COPG2: variants seen among roughly 807,000 people sequenced by gnomAD.
The protein encoded by COPG2 is coat protein complex I subunit gamma 2.
A neutral mutation model predicts 46.3 loss-of-function variants in COPG2; 37 were observed. The ratio of observed to expected loss-of-function variants is 0.80; its 90% CI spans 0.61 to 1.05. The LOEUF (loss-of-function observed/expected upper bound fraction) is 1.05. Among genes scored for constraint, COPG2 ranks in the 50% least tolerant of loss-of-function variants. The probability of loss-of-function intolerance (pLI) is 0.00; values close to 1 mark genes in which losing one functional copy is unlikely to be tolerated. For missense variants in COPG2, 427 were observed against 387.8 expected (o/e 1.10, Z -0.85); for synonymous variants, 159 against 129.7 (o/e 1.23, Z -1.53).
intron 20 of COPG2, among the ~76,000 whole-genome samples, chr7:130,521,502 A>G (rs1415943240): frequency 6.6e-6 from 1 of 152,208 alleles, no homozygotes; most frequent in Non-Finnish European, 1.5e-5. Flanking sequence ...CACACAGTGT[A>G]TGGGTGGTTA....
intron 20 of COPG2, among the ~76,000 whole-genome samples, chr7:130,532,965 G>A (rs1253615518): frequency 1.3e-5 from 2 of 152,124 alleles, no homozygotes; most frequent in African/African-American, 4.8e-5. Flanking sequence ...ACCATGCTAT[G>A]CAGTAGAGGA....
At chr7:130,507,220 CTAT>C (rs1799510391) in intron 23 of COPG2, 51 bp downstream of exon 23, 1 of 777,862 alleles carries the variant, frequency 1.3e-6, no homozygotes, top group East Asian at 2.4e-5. Context: ...CATCTATATC[CTAT>C]TATTAAGCTT....
At chr7:130,612,094 A>G (rs1794859570) in intron 8 of COPG2, 58 bp downstream of exon 8, 1 of 1,232,008 alleles carries the variant, frequency 8.1e-7, no homozygotes, top group Non-Finnish European at 1.2e-6. Flanking sequence ...CTGCCCCTAC[A>G]ATACAGGTTT....
intron 21 of COPG2, chr7:130,508,295 T>G (rs1319150719): frequency 3.0e-6 from 1 of 329,888 alleles, no homozygotes; most frequent in African/African-American, 2.1e-5. Flanking sequence ...ATGTCATTAT[T>G]TTCATCTCTT....
intron 20 of COPG2, chr7:130,509,022 C>T (rs1247893966): frequency 2.2e-6 from 1 of 462,880 alleles, no homozygotes; most frequent in Non-Finnish European, 4.2e-6. Flanking sequence ...TGCTGTAGGA[C>T]CTGACCAAAA....
intron 20 of COPG2, among the ~76,000 whole-genome samples, chr7:130,540,621 G>A (rs1799926415): frequency 6.6e-6 from 1 of 152,080 alleles, no homozygotes; most frequent in Non-Finnish European, 1.5e-5. Context: ...GTGGTTCCAA[G>A]CAGAGAGTTC....
intron 3 of COPG2, among the ~76,000 whole-genome samples, chr7:130,664,404 T>C (rs1415524647): frequency 2.0e-5 from 3 of 152,256 alleles, no homozygotes; most frequent in Non-Finnish European, 4.4e-5. Flanking sequence ...TTTATCTTTC[T>C]TTCACAACTA....
At chr7:130,549,260 T>C (rs979733983) in intron 18 of COPG2, 54 bp downstream of exon 18, 9 of 398,344 alleles carry the variant, frequency 2.3e-5, no homozygotes, top group Non-Finnish European at 3.1e-5. Context: ...AGACTTTTTA[T>C]ATTTACAATG....
Position 130,506,473 on chromosome 7 carries a change from G to C in COPG2, c.*203C>G. On this transcript the variant is annotated 3_prime_UTR_variant, in exon 24 of 24. Transcript: ENST00000425248. ...GCACTATCGTCCCAAAGCTGACCAA[G>C]TAGAATAAAAAGAAAAAAAAAAAAA... The C allele has an allele frequency of 2.7e-6, 1 of 367,576 alleles. No individual in the cohort carries two copies. The highest frequency in any genetic ancestry group is 4.2e-5 in the South Asian group (1 of 23,966). The allele number at this position is 367,576 out of a possible 1,614,324, so 22.8% of individuals were successfully genotyped here. A position where few individuals can be genotyped will look rare whatever the true frequency, so the allele number is the denominator to read the frequency against.
chr7:130,636,648 T>G (rs782575482), intron 5 of COPG2, among the ~76,000 whole-genome samples: 60 of 150,062 alleles, frequency 4.0e-4, no homozygotes, highest in Non-Finnish European at 7.2e-4. Context: ...CTGAATACAG[T>G]ACACCAATGG....
chr7:130,591,330 G>A (rs1335457005), intron 9 of COPG2, among the ~76,000 whole-genome samples: 1 of 50,924 alleles, frequency 2.0e-5, no homozygotes, highest in African/African-American at 7.5e-5. Flanking sequence ...GCCTCTGCCC[G>A]GCCGCCCCTA....
rs1795573946 is a variant in COPG2 at position 130,645,291 on chromosome 7, C to T, written c.323+7578G>A. 1.3e-5 allele frequency: 8 copies of T among 617,994 alleles called. No homozygotes were observed. In the Middle Eastern group the frequency reaches 8.6e-4, roughly 66 times the overall value. 38.3% of individuals were successfully genotyped at this position (617,994 alleles called of 1,614,324 possible). On this transcript the variant is annotated intron_variant, in intron 5 of 23. Transcript: ENST00000425248. Reference sequence around the variant, plus strand: ...TTACCTGGGGGGCCACAAAATACTCCTTCACGACGCAATGGGAGTTTTGTA... The same window carrying T: ...TTACCTGGGGGGCCACAAAATACTCTTTCACGACGCAATGGGAGTTTTGTA...
intron 19 of COPG2, among the ~76,000 whole-genome samples, 157 bp downstream of exon 19, chr7:130,548,246 G>A (rs1256555089): frequency 1.3e-5 from 2 of 152,156 alleles, no homozygotes; most frequent in Non-Finnish European, 2.9e-5. Context: ...CCCATCACAT[G>A]AAGGGATCTC....
rs7779408 is a variant in COPG2, at chr7:130,506,473, G to A, written c.*203C>T. ...GCACTATCGTCCCAAAGCTGACCAAGTAGAATAAAAAGAAAAAAAAAAAAA... is the reference window on the plus strand; with the variant it reads ...GCACTATCGTCCCAAAGCTGACCAAATAGAATAAAAAGAAAAAAAAAAAAA... On this transcript the variant is annotated 3_prime_UTR_variant, in exon 24 of 24. Transcript: ENST00000425248. The A allele has an allele frequency of 5.3e-3, 1,934 of 367,570 alleles. 20 individuals are homozygous for A. The highest frequency in any genetic ancestry group is 0.025 in the African/African-American group (1,111 of 44,438). The allele number at this position is 367,570 out of a possible 1,614,324, so 22.8% of individuals were successfully genotyped here. A position where few individuals can be genotyped will look rare whatever the true frequency, so the allele number is the denominator to read the frequency against.
Position 130,531,008 on chromosome 7 carries a change from G to A in COPG2, c.2149+16666C>T, listed in dbSNP as rs1055708873. On this transcript the variant is annotated intron_variant, in intron 20 of 23. Coordinates refer to ENST00000425248, the MANE Select transcript of COPG2 (RefSeq NM_012133.6). ...TAAAGCCTTGAACTTTGTTGCAAAG[G>A]TGTGAATCTTGGGCCAGGCTCTTTA... Among the ~76,000 whole-genome samples, 7 of 148,702 alleles carry A rather than the reference G, an allele frequency of 4.7e-5. 1 individual carries two copies. In the East Asian group the frequency reaches 8.0e-4, roughly 17 times the overall value.
intron 9 of COPG2, among the ~76,000 whole-genome samples, chr7:130,569,704 A>G (rs938747003): frequency 6.6e-6 from 1 of 152,120 alleles, no homozygotes; most frequent in East Asian, 1.9e-4. Flanking sequence ...TTAAATCATT[A>G]TAAGAAGCCA....
At chr7:130,559,423 A>AGGATAGCCCTCT (rs1311964666) in intron 12 of COPG2, among the ~76,000 whole-genome samples, 1 of 152,178 alleles carries the variant, frequency 6.6e-6, no homozygotes, top group Non-Finnish European at 1.5e-5. Flanking sequence ...TTGAGGCCCA[A>AGGATAGCCCTCT]GGATAGCCCT....
At chr7:130,631,665 A>G (rs1554455215) in intron 5 of COPG2, among the ~76,000 whole-genome samples, 1 of 152,226 alleles carries the variant, frequency 6.6e-6, no homozygotes, top group Non-Finnish European at 1.5e-5. Flanking sequence ...ATAGTAATAA[A>G]GTACCATTTC....
intron 5 of COPG2, among the ~76,000 whole-genome samples, chr7:130,628,668 T>C (rs1180376003): frequency 6.6e-6 from 1 of 152,234 alleles, no homozygotes; most frequent in African/African-American, 2.4e-5. Flanking sequence ...CTTGGTATCA[T>C]ATTCCTTCTA....
Sources: allele counts gnomAD v4.1 joint callset (sites outside exome capture counted in the v4.1 genomes callset), GRCh38; gene constraint gnomAD v4.1.1; transcripts MANE v1.5; gene names NCBI Gene and HGNC (gene_info 2026-07-23, HGNC 2026-07-21).